Variants in SYNE2 observed in about 807,000 individuals in gnomAD.
The protein encoded by SYNE2 is nesprin-2.
A neutral mutation model predicts 856.3 loss-of-function variants in SYNE2; 431 were observed. The observed-to-expected ratio is 0.50, with a 90% CI of 0.47 to 0.55. The LOEUF (loss-of-function observed/expected upper bound fraction) is 0.55, where lower values mean the gene tolerates loss of function less well. SYNE2 is among the 20% of genes least tolerant of loss of function. SYNE2 has a pLI of 0.00. For missense variants in SYNE2, 8,129 were observed against 8,023.2 expected, an observed-to-expected ratio of 1.01 and a Z score of -0.50; for synonymous variants, 2,923 against 2,872.3, an observed-to-expected ratio of 1.02 and a Z score of -0.56.
intron 55 of SYNE2, 105 bp downstream of exon 55, chr14:64,078,711 A>G (rs2097491733): frequency 2.1e-6 from 3 of 1,415,340 alleles, no homozygotes; most frequent in Non-Finnish European, 3.0e-6. Flanking sequence ...TCTGAAGCAC[A>G]GAAATTGTAA....
At chr14:63,870,917 G>A (rs1896665895) in intron 1 of SYNE2, among the ~76,000 whole-genome samples, 2 of 152,090 alleles carry the variant, frequency 1.3e-5, no homozygotes, top group African/African-American at 4.8e-5. Context: ...GGCATAAACA[G>A]GCAGACTCAT....
rs546082803 is a variant in SYNE2, at chr14:63,917,575, A to T, written c.79+8348A>T. ...AACCTCTGCCTCCCAGGTTCAAGTGATTCTCCTGCCTCAGACTCCCGAGTA... is the reference window on the plus strand; with the variant it reads ...AACCTCTGCCTCCCAGGTTCAAGTGTTTCTCCTGCCTCAGACTCCCGAGTA... On this transcript the variant is annotated intron_variant, in intron 2 of 115. Coordinates refer to ENST00000555002, the MANE Select transcript of SYNE2 (RefSeq NM_182914.3). Among the ~76,000 whole-genome samples the T allele has an allele frequency of 2.0e-5, 3 of 152,152 alleles. No homozygotes were observed. The South Asian group carries it at 6.2e-4, about 31-fold the overall frequency.
intron 2 of SYNE2, among the ~76,000 whole-genome samples, chr14:63,924,834 G>GTTTTTTTTTTTTTTTTTTTT (rs1160819887): frequency 1.8e-5 from 1 of 56,456 alleles, no homozygotes; most frequent in Non-Finnish European, 3.7e-5. Context: ...CAGCCTTGGT[G>GTTTTTTTTTTTTTTTTTTTT]TTTTTTTTTT....
intron 96 of SYNE2, among the ~76,000 whole-genome samples, chr14:64,177,761 C>T (rs1350088507): frequency 1.3e-5 from 2 of 152,178 alleles, no homozygotes; most frequent in East Asian, 3.8e-4. Flanking sequence ...TGCTCCTCCT[C>T]TGTAATATAA....
In SYNE2 at chr14:64,087,645, A is replaced by G. The variant is rs1486861691; in HGVS notation, c.11485-26A>G. 3.1e-6 allele frequency: 5 copies of G among 1,611,140 alleles called. No individual in the cohort carries two copies. In the African/African-American group the frequency reaches 6.7e-5, roughly 22 times the overall value. ...TATCAGGATCTTGATGTTTCTCTCT[A>G]TTTTTCCCATTCTGTGTTTATCTAG... On this transcript the variant is annotated intron_variant, in intron 57 of 115. Coordinates refer to ENST00000555002, the MANE Select transcript of SYNE2 (RefSeq NM_182914.3).
intron 32 of SYNE2, 128 bp downstream of exon 32, chr14:64,010,244 AC>A: frequency 2.0e-6 from 2 of 1,021,566 alleles, no homozygotes; most frequent in Non-Finnish European, 2.9e-6. Flanking sequence ...ACCCTATTTT[AC>A]CAGGTATCTA....
chr14:63,875,090 T>A (rs902223765), intron 1 of SYNE2, among the ~76,000 whole-genome samples: 7 of 151,824 alleles, frequency 4.6e-5, no homozygotes, highest in African/African-American at 1.7e-4. Context: ...CAGGCTGGAG[T>A]GCAGTGGCTA....
intron 45 of SYNE2, among the ~76,000 whole-genome samples, chr14:64,037,632 C>T (rs1406122158): frequency 2.6e-5 from 4 of 151,390 alleles, no homozygotes; most frequent in African/African-American, 9.7e-5. Context: ...GGCCCGTTCT[C>T]AATGAGCTGT....
intron 78 of SYNE2, among the ~76,000 whole-genome samples, chr14:64,135,547 A>G (rs575686692): frequency 6.6e-6 from 1 of 152,166 alleles, no homozygotes; most frequent in East Asian, 1.9e-4. Context: ...GTCTAGGGAT[A>G]CAGAAGGTAT....
intron 1 of SYNE2, among the ~76,000 whole-genome samples, chr14:63,786,498 T>C (rs1297459072): frequency 6.6e-6 from 1 of 152,252 alleles, no homozygotes; most frequent in Non-Finnish European, 1.5e-5. Context: ...CATTTATAAC[T>C]GATTGTTTTG....
At chr14:63,995,772 T>TCTAG (rs1353742970) in intron 23 of SYNE2, among the ~76,000 whole-genome samples, 2 of 149,836 alleles carry the variant, frequency 1.3e-5, no homozygotes, top group Non-Finnish European at 1.5e-5. Context: ...TATCTAGATA[T>TCTAG]ATATAAACAG....
At chr14:63,889,212 T>C (rs1037843509) in intron 1 of SYNE2, among the ~76,000 whole-genome samples, 2 of 151,830 alleles carry the variant, frequency 1.3e-5, no homozygotes, top group Admixed American at 1.3e-4. Flanking sequence ...TCTTTTATTA[T>C]AGTACAAAAA....
Position 64,089,754 on chromosome 14 carries a change from AAATAT to A in SYNE2, c.11793+67_11793+71del, listed in dbSNP as rs146429933. On this transcript the variant is annotated intron_variant, in intron 59 of 115. Coordinates refer to ENST00000555002, the MANE Select transcript of SYNE2 (RefSeq NM_182914.3). ...TATGATACTTATTATGTCTTTTTCA[AAATAT>A]AATATAATGTGATTTAAAAAAGCAT... 7.2e-3 allele frequency: 9,778 copies of A among 1,367,106 alleles called. 211 individuals are homozygous for A. In the African/African-American group the frequency reaches 0.072, roughly 10 times the overall value. 84.7% of individuals were successfully genotyped at this position (1,367,106 alleles called of 1,614,324 possible). A position where few individuals can be genotyped will look rare whatever the true frequency, so the allele number is the denominator to read the frequency against.
intron 2 of SYNE2, among the ~76,000 whole-genome samples, chr14:63,937,187 G>GGTTCA (rs1049932142): frequency 6.6e-6 from 1 of 152,154 alleles, no homozygotes; most frequent in Non-Finnish European, 1.5e-5. Context: ...AATCGGTATG[G>GGTTCA]GTTCAGTTAA....
intron 21 of SYNE2, among the ~76,000 whole-genome samples, chr14:63,992,690 C>G (rs910155030): frequency 4.6e-5 from 7 of 152,142 alleles, no homozygotes; most frequent in Non-Finnish European, 8.8e-5. Flanking sequence ...GGCATTTAGT[C>G]AAGTGGATAC....
chr14:63,940,160 C>G (rs1280812138), intron 2 of SYNE2, among the ~76,000 whole-genome samples: 2 of 150,716 alleles, frequency 1.3e-5, no homozygotes, highest in Non-Finnish European at 2.9e-5. Flanking sequence ...TCACTGCAGC[C>G]TTGACTTCCT....
intron 8 of SYNE2, among the ~76,000 whole-genome samples, chr14:63,956,270 C>G (rs1313048654): frequency 2.0e-5 from 3 of 152,044 alleles, no homozygotes; most frequent in Non-Finnish European, 4.4e-5. Context: ...TTCCATCATA[C>G]AGATACAATA....
intron 1 of SYNE2, among the ~76,000 whole-genome samples, chr14:63,904,528 G>A (rs2095381779): frequency 6.6e-6 from 1 of 152,032 alleles, no homozygotes; most frequent in Non-Finnish European, 1.5e-5. Flanking sequence ...GGTGTGAGAT[G>A]GTGTATCTTG....
rs186561634 is a variant in SYNE2, at chr14:64,087,905, G to C, written c.11670+49G>C. On this transcript the variant is annotated intron_variant, in intron 58 of 115. Coordinates refer to ENST00000555002, the MANE Select transcript of SYNE2 (RefSeq NM_182914.3). ...TCATTCAGGATTAAATTAGAGGCTG[G>C]GCAATGGTGGCTCATCCCTATAATT... is the stretch of plus-strand genomic sequence containing the variant. 506 of 1,589,480 alleles carry C rather than the reference G, an allele frequency of 3.2e-4. 5 individuals carry two copies. In the East Asian group the frequency reaches 0.011, roughly 35 times the overall value.
Sources: allele counts gnomAD v4.1 joint callset (sites outside exome capture counted in the v4.1 genomes callset), GRCh38; gene constraint gnomAD v4.1.1; transcripts MANE v1.5; gene names NCBI Gene and HGNC (gene_info 2026-07-23, HGNC 2026-07-21).